EML4: variants seen among roughly 807,000 people sequenced by gnomAD.
EML4 encodes EMAP like 4, also known as echinoderm microtubule-associated protein-like 4.
In EML4, 72 loss-of-function variants were observed where a neutral mutation model predicts 129.0. The ratio of observed to expected loss-of-function variants is 0.56; its 90% CI spans 0.46 to 0.68. The LOEUF is 0.68. EML4 is among the 30% of genes least tolerant of loss of function. EML4 has a pLI of 0.00. For synonymous variants in EML4, 532 were observed against 405.0 expected (o/e 1.31, Z -3.77); for missense variants, 1,363 against 1,190.6 (o/e 1.14, Z -2.13).
chr2:42,244,814 A>G (rs1401225931), intron 1 of EML4, among the ~76,000 whole-genome samples: 1 of 152,142 alleles, frequency 6.6e-6, no homozygotes. Flanking sequence ...GAGAACTGTG[A>G]TAATAATGTA....
At chr2:42,316,409 T>C (rs750025822) in intron 18 of EML4, among the ~76,000 whole-genome samples, 5 of 152,220 alleles carry the variant, frequency 3.3e-5, no homozygotes, top group Non-Finnish European at 5.9e-5. Flanking sequence ...TATAAGAGAA[T>C]GTAAAAGAAA....
intron 1 of EML4, among the ~76,000 whole-genome samples, chr2:42,233,724 A>T (rs1674492950): frequency 6.6e-6 from 1 of 152,230 alleles, no homozygotes; most frequent in Non-Finnish European, 1.5e-5. Context: ...CAAAATGTTT[A>T]TAATGAATCT....
chr2:42,282,228 A>G (rs1667051684), intron 7 of EML4, among the ~76,000 whole-genome samples: 1 of 151,550 alleles, frequency 6.6e-6, no homozygotes, highest in South Asian at 2.1e-4. Flanking sequence ...CATAGGGCCT[A>G]CATTTTTTTT....
At chr2:42,211,396 G>A (rs1558505618) in intron 1 of EML4, among the ~76,000 whole-genome samples, 1 of 152,130 alleles carries the variant, frequency 6.6e-6, no homozygotes, top group Non-Finnish European at 1.5e-5. Flanking sequence ...TTGGGTAGGG[G>A]GGCGAGGTCA....
intron 1 of EML4, among the ~76,000 whole-genome samples, chr2:42,172,188 T>TG (rs1372419119): frequency 6.6e-6 from 1 of 152,130 alleles, no homozygotes; most frequent in South Asian, 2.1e-4. Context: ...TGAAAAATGG[T>TG]GAAAAAACTA....
intron 4 of EML4, 36 bp downstream of exon 4, chr2:42,261,330 G>T (rs372610199): frequency 3.2e-5 from 48 of 1,511,618 alleles, no homozygotes; most frequent in Non-Finnish European, 4.0e-5. Flanking sequence ...CTAGGGAATG[G>T]TTGTAATGAT....
At chr2:42,173,505 A>C (rs538213831) in intron 1 of EML4, among the ~76,000 whole-genome samples, 1 of 152,306 alleles carries the variant, frequency 6.6e-6, no homozygotes, top group East Asian at 1.9e-4. Flanking sequence ...TGGGAAAGAC[A>C]AGTAAAAGAC....
chr2:42,328,649 C>CT (rs778254759), intron 21 of EML4, among the ~76,000 whole-genome samples: 1 of 152,064 alleles, frequency 6.6e-6, no homozygotes, highest in South Asian at 2.1e-4. Context: ...ACCATTGAGT[C>CT]TTTAAGTTTT....
At chr2:42,214,411 C>G (rs1673059288) in intron 1 of EML4, among the ~76,000 whole-genome samples, 1 of 151,910 alleles carries the variant, frequency 6.6e-6, no homozygotes, top group Non-Finnish European at 1.5e-5. Flanking sequence ...TTGTTTTCCT[C>G]ACCTACTTAT....
chr2:42,190,516 G>A (rs1352100208), intron 1 of EML4, among the ~76,000 whole-genome samples: 1 of 152,190 alleles, frequency 6.6e-6, no homozygotes, highest in Non-Finnish European at 1.5e-5. Flanking sequence ...GTGATGTGGG[G>A]AAGACTTAGA....
intron 1 of EML4, among the ~76,000 whole-genome samples, chr2:42,193,452 G>A (rs903316204): frequency 1.3e-5 from 2 of 152,176 alleles, no homozygotes; most frequent in African/African-American, 4.8e-5. Context: ...TCTGCTGTGT[G>A]ATTGTTTAGA....
At chr2:42,183,256 C>G (rs888102602) in intron 1 of EML4, among the ~76,000 whole-genome samples, 2 of 152,232 alleles carry the variant, frequency 1.3e-5, no homozygotes, top group Admixed American at 6.5e-5. Flanking sequence ...TGTCAGTGAA[C>G]AAAACAAAAA....
chr2:42,329,229 C>T (rs1420905674), intron 22 of EML4, among the ~76,000 whole-genome samples: 4 of 152,106 alleles, frequency 2.6e-5, no homozygotes, highest in Admixed American at 6.5e-5. Flanking sequence ...AAATGACGAC[C>T]GATGATGTTA....
intron 1 of EML4, among the ~76,000 whole-genome samples, chr2:42,223,728 A>G (rs549916378): frequency 5.3e-5 from 8 of 152,300 alleles, no homozygotes; most frequent in African/African-American, 1.7e-4. Flanking sequence ...CTTTGTTTAC[A>G]AAGACCATTA....
chr2:42,218,933 G>C (rs973978389), intron 1 of EML4, among the ~76,000 whole-genome samples: 13 of 152,064 alleles, frequency 8.5e-5, no homozygotes, highest in African/African-American at 3.1e-4. Flanking sequence ...CAAGCAGCTA[G>C]GAATACAAAC....
chr2:42,324,734 G>A (rs1669696824), intron 19 of EML4, among the ~76,000 whole-genome samples: 1 of 152,242 alleles, frequency 6.6e-6, no homozygotes, highest in African/African-American at 2.4e-5. Flanking sequence ...CATAAGATCT[G>A]TGTAATTTAT....
chr2:42,308,454 G>T (rs1668739878), intron 17 of EML4, among the ~76,000 whole-genome samples: 1 of 152,102 alleles, frequency 6.6e-6, no homozygotes, highest in African/African-American at 2.4e-5. Flanking sequence ...AGGTTGCAAT[G>T]AACTGAGATC....
At chr2:42,218,101 C>T (rs372602149) in intron 1 of EML4, among the ~76,000 whole-genome samples, 32 of 152,232 alleles carry the variant, frequency 2.1e-4, no homozygotes, top group East Asian at 1.4e-3. Context: ...GTGAGCAAAG[C>T]TTCATCTGTA....
chr2:42,233,431 C>T (rs1334309571), intron 1 of EML4, among the ~76,000 whole-genome samples: 1 of 151,370 alleles, frequency 6.6e-6, no homozygotes, highest in Non-Finnish European at 1.5e-5. Context: ...TCAGCCTCCC[C>T]AGTAGCTGGG....
Sources: gnomAD v4.1 joint callset for allele counts (sites outside exome capture counted in the v4.1 genomes callset) on GRCh38, gnomAD v4.1.1 for gene constraint, MANE v1.5 for transcripts, NCBI Gene and HGNC (gene_info 2026-07-23, HGNC 2026-07-21) for gene names.